The following ZNF687 variants were observed in gnomAD, a reference collection of about 807,000 sequenced individuals.
The protein encoded by ZNF687 is zinc finger protein 687.
In ZNF687, 13 loss-of-function variants were observed where a neutral mutation model predicts 71.8. The observed-to-expected ratio is 0.18, with a 90% CI of 0.12 to 0.29. The LOEUF is 0.29. Among genes scored for constraint, ZNF687 ranks in the 10% least tolerant of loss-of-function variants. The pLI is 1.00. For synonymous variants in ZNF687, 673 were observed against 641.6 expected (o/e 1.05, Z -0.74); for missense variants, 1,412 against 1,625.6 (o/e 0.87, Z 2.26).
At chr1:151,282,187 G>A, upstream of ZNF687, 1 of 1,097,742 alleles carries the variant, frequency 9.1e-7, no homozygotes, top group African/African-American at 1.6e-5. Context: ...GCTGGAAGGG[G>A]CACAGGGCTG....
chr1:151,283,961 A>G (rs944463255), intron 1 of ZNF687: 11 of 985,312 alleles, frequency 1.1e-5, no homozygotes, highest in Non-Finnish European at 1.3e-5. Flanking sequence ...TTCTTCGTAG[A>G]TACAGAAACA....
chr1:151,289,967 GTGA>G lies in ZNF687; in HGVS notation c.2928_2930del (p.Asp976del). The G allele has an allele frequency of 6.3e-7, 1 of 1,577,232 alleles. No homozygotes were observed. Among genetic ancestry groups the G allele is most frequent in the Middle Eastern group, 1.7e-4 (1 of 5,920 alleles). ...CTGTGTCACTCCTGGTTCCCTGAGC[GTGA>G]TGAATACGTGGCCCACATGAAGAAG... On this transcript the variant is annotated inframe_deletion, in exon 6 of 9. Coordinates refer to ENST00000336715, the MANE Select transcript of ZNF687 (RefSeq NM_020832.3).
At chr1:151,289,590 G>A (rs1244401653) in intron 5 of ZNF687, 50 bp downstream of exon 5, 3 of 1,611,952 alleles carry the variant, frequency 1.9e-6, no homozygotes, top group African/African-American at 2.7e-5. Flanking sequence ...ACTGACCTGG[G>A]GCTGGGGCCA....
In ZNF687 at chr1:151,291,413, T is replaced by G. The variant is rs1385593855; in HGVS notation, c.*204T>G. Reference sequence around the variant, plus strand: ...GTTTGGCCCTGGAGTCCTAGTAGAGTGGACCCTCCATTCCTCCTTTCTGAG... The same window carrying G: ...GTTTGGCCCTGGAGTCCTAGTAGAGGGGACCCTCCATTCCTCCTTTCTGAG... On this transcript the variant is annotated 3_prime_UTR_variant, in exon 9 of 9. Transcript: ENST00000336715. The G allele has an allele frequency of 3.3e-6, 2 of 611,360 alleles. No individual in the cohort carries two copies. The highest frequency in any genetic ancestry group is 4.4e-5 in the South Asian group (2 of 45,000). 37.9% of individuals were successfully genotyped at this position (611,360 alleles called of 1,614,324 possible).
Position 151,291,154 on chromosome 1 carries a change from G to T in ZNF687, c.3659G>T (p.Arg1220Leu), listed in dbSNP as rs758223153. 1 of 1,612,864 alleles carries T rather than the reference G, an allele frequency of 6.2e-7. No individual in the cohort carries two copies. Among genetic ancestry groups the T allele is most frequent in the African/African-American group, 1.3e-5 (1 of 74,892 alleles). Residue 1220 changes from arginine (R) to leucine (L), a missense_variant, in exon 9 of 9, where the codon CGC becomes CTC. By Grantham distance (102) the Arg-to-Leu change is moderately radical. Transcript: ENST00000336715. ...DSPLNLKTHF[R>L]THGMAFIRAR... is the part of the protein sequence containing the mutation. Reference sequence around the variant, plus strand: ...CCTCTAAACCTCAAGACCCACTTCCGCACGCATGGCATGGCGTTCATCAGG... The same window carrying T: ...CCTCTAAACCTCAAGACCCACTTCCTCACGCATGGCATGGCGTTCATCAGG...
intron 1 of ZNF687, among the ~76,000 whole-genome samples, chr1:151,284,564 G>C (rs587735274): frequency 1.3e-5 from 2 of 152,250 alleles, no homozygotes; most frequent in Admixed American, 1.3e-4. Context: ...AGGTGCCAGT[G>C]ATGGCCCAGG....
intron 1 of ZNF687, chr1:151,283,442 C>T (rs1693812994): frequency 7.1e-6 from 3 of 424,740 alleles, no homozygotes; most frequent in Non-Finnish European, 6.3e-6. Flanking sequence ...CAGGGCTCAG[C>T]AGTCGCAGGA....
intron 8 of ZNF687, 27 bp downstream of exon 8, chr1:151,290,600 T>C (rs760482809): frequency 1.1e-4 from 170 of 1,603,652 alleles, no homozygotes; most frequent in Non-Finnish European, 1.4e-4. Context: ...CCTGCTGTGC[T>C]AGGGCTTTGA....
intron 3 of ZNF687, 41 bp downstream of exon 3, chr1:151,288,747 G>T (rs1157135381): frequency 1.3e-6 from 2 of 1,578,238 alleles, no homozygotes; most frequent in Non-Finnish European, 1.7e-6. Context: ...AGGGTTTCGT[G>T]TGTCCTAGCC....
chr1:151,285,463 G>A (rs902940644), intron 1 of ZNF687: 4 of 152,008 alleles, frequency 2.6e-5, no homozygotes, highest in Non-Finnish European at 5.9e-5. Flanking sequence ...GCCCAGGTGG[G>A]AGTGCAGTGG....
intron 1 of ZNF687, 80 bp from the exon 2 acceptor site, chr1:151,286,195 T>A (rs1448381346): frequency 8.3e-7 from 1 of 1,207,174 alleles, no homozygotes; most frequent in African/African-American, 1.5e-5. Context: ...AGAGGATAAA[T>A]ATGGAGATGC....
chr1:151,288,912 TCTCCCTTGGCAGC>T (rs1343369139), intron 3 of ZNF687, among the ~76,000 whole-genome samples, 170 bp from the exon 4 acceptor site: 6 of 152,188 alleles, frequency 3.9e-5, no homozygotes, highest in Non-Finnish European at 5.9e-5. Flanking sequence ...GAGCTCCAGC[TCTCCCTTGGCAGC>T]CTCCCTTGGG....
chr1:151,287,111 G>A lies in ZNF687; in HGVS notation c.820G>A (p.Ala274Thr), dbSNP rs752012731. 1.9e-6 allele frequency: 3 copies of A among 1,614,018 alleles called. No homozygotes were observed. Among genetic ancestry groups the A allele is most frequent in the Non-Finnish European group, 2.5e-6 (3 of 1,180,032 alleles). ...GTCTCCAGGGCACCAGAGCCCTCTT[G>A]CCTCCCCCAAAGTGCCCGTCTGTCA... ...KQSPGHQSPL[A>T]SPKVPVCQPL... Residue 274 changes from alanine (A) to threonine (T), a missense_variant, in exon 2 of 9, where the codon GCC (alanine) becomes ACC (threonine). By Grantham distance (58) the Ala-to-Thr change is moderately conservative. Coordinates refer to ENST00000336715, the MANE Select transcript of ZNF687 (RefSeq NM_020832.3). This position sits in a 1 kb window ranked among gnomAD's most constrained non-coding sequence, Gnocchi z 5.0.
rs587603867 is a variant in ZNF687, at chr1:151,282,611, C to T, written c.-18+216C>T. Among the ~76,000 whole-genome samples the T allele has an allele frequency of 6.6e-5, 10 of 152,314 alleles. No homozygotes were observed. In the East Asian group the frequency reaches 1.9e-3, roughly 29 times the overall value. On this transcript the variant is annotated intron_variant, in intron 1 of 8. Coordinates refer to ENST00000336715, the MANE Select transcript of ZNF687 (RefSeq NM_020832.3). ...AGCACAGTCCGTAGCCGGGTAAACC[C>T]CCAGGAGGGTCGAGAACCCCAGGTC...
intron 4 of ZNF687, 51 bp downstream of exon 4, chr1:151,289,322 AGGAGG>A: frequency 6.2e-7 from 1 of 1,612,966 alleles, no homozygotes; most frequent in Non-Finnish European, 8.5e-7. Context: ...GGTGGGGCGC[AGGAGG>A]GGAGGGGCTG....
Position 151,289,063 on chromosome 1 carries a change from C to T in ZNF687, c.2295-32C>T, listed in dbSNP as rs913410885. The T allele has an allele frequency of 5.0e-6, 8 of 1,607,758 alleles. No individual in the cohort carries two copies. The Admixed American group carries it at 1.2e-4, about 24-fold the overall frequency. ...GGGGTGGGCATGGAGATGCCTCCCACCTCACCACAGGGCCTCCTGCTTCCT... is the reference window on the plus strand; with the variant it reads ...GGGGTGGGCATGGAGATGCCTCCCATCTCACCACAGGGCCTCCTGCTTCCT... On this transcript the variant is annotated intron_variant, in intron 3 of 8. Transcript: ENST00000336715.
Position 151,287,174 on chromosome 1 carries a change from G to C in ZNF687, c.883G>C (p.Asp295His). The part of the protein sequence containing the change: ...KEEDDDEGPV[D>H]KSSPGSPQSP... ...AGAAGATGATGATGAGGGGCCAGTG[G>C]ACAAGTCTTCCCCAGGAAGTCCCCA... The change falls in exon 2 of 9, where the codon GAC becomes CAC. Residue 295 changes from aspartate (D) to histidine (H), a missense_variant. Asp to His is a moderately conservative substitution (Grantham distance 81, BLOSUM62 -1). Transcript: ENST00000336715. This position sits in a 1 kb window ranked among gnomAD's most constrained non-coding sequence, Gnocchi z 5.0. 6.2e-7 allele frequency: 1 copy of C among 1,614,188 alleles called. No individual in the cohort carries two copies. The highest frequency in any genetic ancestry group is 8.5e-7 in the Non-Finnish European group (1 of 1,180,028).
In ZNF687 at chr1:151,291,185, G is replaced by C. The variant is rs1238348193; in HGVS notation, c.3690G>C (p.Arg1230=). 1 of 1,611,896 alleles carries C rather than the reference G, an allele frequency of 6.2e-7. No individual in the cohort carries two copies. The change falls in exon 9 of 9, where the codon CGG becomes CGC. Residue 1230 remains arginine (R), a synonymous_variant. Coordinates refer to ENST00000336715, the MANE Select transcript of ZNF687 (RefSeq NM_020832.3). ...RTHGMAFIRA[R]QGAVGDN ...ATGGCATGGCGTTCATCAGGGCTCGGCAGGGGGCTGTTGGGGACAACTAGT... is the reference window on the plus strand; with the variant it reads ...ATGGCATGGCGTTCATCAGGGCTCGCCAGGGGGCTGTTGGGGACAACTAGT...
intron 3 of ZNF687, 97 bp downstream of exon 3, chr1:151,288,803 T>TC: frequency 7.3e-7 from 1 of 1,377,022 alleles, no homozygotes; most frequent in Non-Finnish European, 1.0e-6. Flanking sequence ...CCCTGCTATA[T>TC]CCCTCAGCCC....
Sources: gnomAD v4.1 joint callset for allele counts (sites outside exome capture counted in the v4.1 genomes callset) on GRCh38, gnomAD v4.1.1 for gene constraint, Gnocchi (gnomAD v3.1) non-coding constraint, MANE v1.5 for transcripts, NCBI Gene and HGNC (gene_info 2026-07-23, HGNC 2026-07-21) for gene names.